Variants in GABRA3 observed in about 807,000 individuals in gnomAD.
GABRA3 encodes gamma-aminobutyric acid type A receptor subunit alpha3.
In GABRA3, 10 loss-of-function variants were observed where a neutral mutation model predicts 30.1. The ratio of observed to expected loss-of-function variants is 0.33; its 90% CI spans 0.20 to 0.56. GABRA3 has a LOEUF of 0.56. GABRA3 is among the 20% of genes least tolerant of loss of function. GABRA3 has a pLI of 0.89. For synonymous variants in GABRA3, 151 were observed against 146.8 expected (o/e 1.03, Z -0.21); for missense variants, 233 against 392.0 (o/e 0.59, Z 3.42).
chrX:152,410,354 T>TA (rs1023374202), intron 1 of GABRA3, among the ~76,000 whole-genome samples: 5 of 110,269 alleles, frequency 4.5e-5, no homozygotes, highest in Middle Eastern at 4.7e-3. Flanking sequence ...TATTTTTAAA[T>TA]AAAAAAAAGT....
intron 5 of GABRA3, among the ~76,000 whole-genome samples, chrX:152,246,856 CA>C (rs888596908): frequency 1.5e-4 from 16 of 108,818 alleles, no homozygotes; most frequent in African/African-American, 3.0e-4. Context: ...AAAGCCATTA[CA>C]AAAAAAAAGA....
At chrX:152,367,059 A>G (rs762578920) in intron 1 of GABRA3, among the ~76,000 whole-genome samples, 15 of 111,376 alleles carry the variant, frequency 1.3e-4, no homozygotes, top group Non-Finnish European at 2.6e-4. Flanking sequence ...TATAACGCAC[A>G]TATCCATGGT....
chrX:152,296,017 A>T (rs761427077), intron 3 of GABRA3, among the ~76,000 whole-genome samples: 2 of 112,144 alleles, frequency 1.8e-5, no homozygotes, highest in South Asian at 7.4e-4. Flanking sequence ...CTACACCTTT[A>T]CATCTCACTA....
intron 2 of GABRA3, among the ~76,000 whole-genome samples, chrX:152,358,660 A>G (rs998834722): frequency 9.0e-5 from 10 of 111,455 alleles, no homozygotes; most frequent in African/African-American, 3.3e-4. Context: ...CCCATTCAGT[A>G]TGCTATTGGC....
At chrX:152,264,924 G>C (rs1319889852) in intron 4 of GABRA3, among the ~76,000 whole-genome samples, 1 of 111,233 alleles carries the variant, frequency 9.0e-6, no homozygotes, top group Non-Finnish European at 1.9e-5. Flanking sequence ...AATGATAAAG[G>C]GTTCAATTCA....
chrX:152,303,720 C>T (rs895002246), intron 3 of GABRA3, among the ~76,000 whole-genome samples: 3 of 109,915 alleles, frequency 2.7e-5, no homozygotes, highest in Non-Finnish European at 5.7e-5. Context: ...AACAGAAAAC[C>T]AAACACCACA....
At chrX:152,357,106 C>G (rs1193911489) in intron 2 of GABRA3, among the ~76,000 whole-genome samples, 1 of 111,640 alleles carries the variant, frequency 9.0e-6, no homozygotes. Flanking sequence ...GGATATATAT[C>G]CAATAATGGG....
intron 2 of GABRA3, among the ~76,000 whole-genome samples, chrX:152,349,455 A>G (rs984909813): frequency 1.8e-5 from 2 of 108,590 alleles, no homozygotes; most frequent in Non-Finnish European, 3.8e-5. Context: ...ACACATAACA[A>G]TATTAACTTT....
In GABRA3 at chrX:152,167,925, G is replaced by A. The variant is rs1936956099; in HGVS notation, c.*303C>T. The A allele has an allele frequency of 3.2e-6, 1 of 312,029 alleles. No homozygotes were observed. 25.7% of individuals were successfully genotyped at this position (312,029 alleles called of 1,213,427 possible). A position where few individuals can be genotyped will look rare whatever the true frequency, so the allele number is the denominator to read the frequency against. Reference sequence around the variant, plus strand: ...AGAATCTCTTGTTCTTTTTGCAGCGGGCAGAGTGCAATAAAATACATGCAG... The same window carrying A: ...AGAATCTCTTGTTCTTTTTGCAGCGAGCAGAGTGCAATAAAATACATGCAG... On this transcript the variant is annotated 3_prime_UTR_variant, in exon 10 of 10. Coordinates refer to ENST00000370314, the MANE Select transcript of GABRA3 (RefSeq NM_000808.4).
At chrX:152,439,986 C>T (rs976462963) in intron 1 of GABRA3, among the ~76,000 whole-genome samples, 3 of 111,824 alleles carry the variant, frequency 2.7e-5, no homozygotes, top group African/African-American at 9.8e-5. Flanking sequence ...GTCTAAAACA[C>T]CAAAAGCAAT....
chrX:152,366,219 T>C (rs911788776), intron 1 of GABRA3, among the ~76,000 whole-genome samples: 1 of 112,035 alleles, frequency 8.9e-6, no homozygotes, highest in Non-Finnish European at 1.9e-5. Context: ...TGTTGTGTAA[T>C]CATATGACAA....
chrX:152,173,759 C>T (rs745547382), intron 9 of GABRA3, among the ~76,000 whole-genome samples: 27 of 110,365 alleles, frequency 2.4e-4, no homozygotes, highest in Admixed American at 2.1e-3. Flanking sequence ...CATGAGCCAC[C>T]GCGCCTGGCT....
At chrX:152,334,100 A>C (rs1213461156) in intron 3 of GABRA3, among the ~76,000 whole-genome samples, 2 of 112,124 alleles carry the variant, frequency 1.8e-5, no homozygotes, top group East Asian at 5.6e-4. Context: ...CTGTGTCAAC[A>C]CACTAAAAAG....
At chrX:152,429,390 C>T (rs1479361275) in intron 1 of GABRA3, among the ~76,000 whole-genome samples, 2 of 110,268 alleles carry the variant, frequency 1.8e-5, no homozygotes, top group Non-Finnish European at 1.9e-5. Flanking sequence ...ATTCTTCACA[C>T]AGCAACCAGA....
chrX:152,261,691 C>A (rs940214379), intron 4 of GABRA3, among the ~76,000 whole-genome samples: 7 of 112,244 alleles, frequency 6.2e-5, no homozygotes, highest in Non-Finnish European at 1.3e-4. Flanking sequence ...GGGTACAGCC[C>A]CCCTCCCAGT....
At chrX:152,334,101 C>T (rs1940200128) in intron 3 of GABRA3, among the ~76,000 whole-genome samples, 1 of 111,739 alleles carries the variant, frequency 8.9e-6, no homozygotes, top group Non-Finnish European at 1.9e-5. Context: ...TGTGTCAACA[C>T]ACTAAAAAGA....
At chrX:152,437,776 T>C (rs775417175) in intron 1 of GABRA3, among the ~76,000 whole-genome samples, 1 of 112,046 alleles carries the variant, frequency 8.9e-6, no homozygotes, top group East Asian at 2.8e-4. Context: ...GATAGTCTTT[T>C]CAACAAATGG....
chrX:152,189,551 C>A (rs1937296819), intron 9 of GABRA3, among the ~76,000 whole-genome samples, 179 bp downstream of exon 9: 1 of 111,115 alleles, frequency 9.0e-6, no homozygotes, highest in Non-Finnish European at 1.9e-5. Context: ...GCCCTCTTTT[C>A]TTTGCCCTCA....
intron 1 of GABRA3, among the ~76,000 whole-genome samples, chrX:152,378,898 G>A (rs1012435458): frequency 2.7e-5 from 3 of 111,253 alleles, no homozygotes; most frequent in Non-Finnish European, 5.7e-5. Context: ...TTTACTAGAA[G>A]TAATGAGAAA....
Sources: allele counts gnomAD v4.1 joint callset (sites outside exome capture counted in the v4.1 genomes callset), GRCh38; gene constraint gnomAD v4.1.1; transcripts MANE v1.5; gene names NCBI Gene and HGNC (gene_info 2026-07-23, HGNC 2026-07-21).